NLGN4X: variants seen among roughly 807,000 people sequenced by gnomAD.
NLGN4X encodes neuroligin 4 X-linked.
NLGN4X carries 3 observed loss-of-function variants against 40.3 expected under a neutral mutation model. The observed-to-expected ratio is 0.07, with a 90% CI of 0.03 to 0.19. The LOEUF (loss-of-function observed/expected upper bound fraction) is 0.19, where lower values mean the gene tolerates loss of function less well. Ranked by LOEUF, NLGN4X falls within the 10% of genes least tolerant of loss-of-function variation. The probability of loss-of-function intolerance (pLI) is 1.00; values close to 1 mark genes in which losing one functional copy is unlikely to be tolerated. For synonymous variants in NLGN4X, 270 were observed against 306.8 expected (o/e 0.88, Z 1.25); for missense variants, 382 against 708.3 (o/e 0.54, Z 5.23).
intron 1 of NLGN4X, among the ~76,000 whole-genome samples, chrX:6,218,136 A>G (rs778109565): frequency 3.1e-4 from 35 of 111,249 alleles, no homozygotes; most frequent in Non-Finnish European, 5.8e-4. Context: ...TTCAGCCAAC[A>G]GAGCAAGCCT....
At chrX:5,971,421 T>C (rs933879557) in intron 3 of NLGN4X, among the ~76,000 whole-genome samples, 1 of 111,125 alleles carries the variant, frequency 9.0e-6, no homozygotes, top group Non-Finnish European at 1.9e-5. Flanking sequence ...TTGCAATACT[T>C]TTCCCTTCTT....
intron 3 of NLGN4X, among the ~76,000 whole-genome samples, chrX:5,965,129 C>A (rs974660084): frequency 1.8e-5 from 2 of 111,650 alleles, no homozygotes; most frequent in Non-Finnish European, 3.8e-5. Context: ...AATTGAATGG[C>A]TTATCAAAAG....
At chrX:5,898,134 TTTCC>T (rs1191576827) in intron 5 of NLGN4X, among the ~76,000 whole-genome samples, 13 of 96,238 alleles carry the variant, frequency 1.4e-4, no homozygotes, top group South Asian at 6.0e-4. Context: ...CTCTCTTTCC[TTTCC>T]TTCCTTCCAT....
intron 3 of NLGN4X, among the ~76,000 whole-genome samples, chrX:5,975,949 C>T (rs1167276328): frequency 9.0e-6 from 1 of 111,193 alleles, no homozygotes; most frequent in Non-Finnish European, 1.9e-5. Context: ...CTCTTTTCTT[C>T]TCCTACCTTC....
chrX:6,033,273 T>C (rs754911617), intron 2 of NLGN4X, among the ~76,000 whole-genome samples: 1 of 111,601 alleles, frequency 9.0e-6, no homozygotes, highest in Non-Finnish European at 1.9e-5. Flanking sequence ...CAAAATATTA[T>C]ATAATTGACA....
rs769439110 is a variant in NLGN4X, at chrX:6,156,232, C to T, written c.-305-4461G>A. Among the ~76,000 whole-genome samples, 8 of 110,985 alleles carry T rather than the reference C, an allele frequency of 7.2e-5. No homozygotes were observed. In the South Asian group the frequency reaches 1.9e-3, roughly 26 times the overall value. Reference sequence around the variant, plus strand: ...TATGCAGCCATAAAAACAAATCAGCCGGCGCGGTGGCTCACGCCTGTAATC... The same window carrying T: ...TATGCAGCCATAAAAACAAATCAGCTGGCGCGGTGGCTCACGCCTGTAATC... On this transcript the variant is annotated intron_variant, in intron 1 of 5. Transcript: ENST00000381095.
intron 1 of NLGN4X, among the ~76,000 whole-genome samples, chrX:6,180,176 T>C (rs1921270815): frequency 8.9e-6 from 1 of 111,928 alleles, no homozygotes; most frequent in South Asian, 3.7e-4. Flanking sequence ...AACCTAAATC[T>C]TTCCTATGAA....
At chrX:6,112,256 C>T (rs372243977) in intron 2 of NLGN4X, among the ~76,000 whole-genome samples, 17 of 111,439 alleles carry the variant, frequency 1.5e-4, no homozygotes, top group African/African-American at 5.2e-4. Context: ...CAGCAACACA[C>T]AAGATACCCT....
chrX:5,934,884 A>G (rs1019109909), intron 3 of NLGN4X, among the ~76,000 whole-genome samples: 3 of 112,360 alleles, frequency 2.7e-5, no homozygotes, highest in Non-Finnish European at 5.6e-5. Context: ...GAGGAAATAA[A>G]TGATGGTTTT....
intron 3 of NLGN4X, among the ~76,000 whole-genome samples, chrX:5,975,281 AC>A (rs1195103548): frequency 9.0e-6 from 1 of 111,438 alleles, no homozygotes; most frequent in African/African-American, 3.3e-5. Context: ...ATGTAGACCA[AC>A]CTGGCCAACA....
At chrX:6,147,116 C>G (rs1004326437) in intron 2 of NLGN4X, among the ~76,000 whole-genome samples, 8 of 111,855 alleles carry the variant, frequency 7.2e-5, no homozygotes, top group Admixed American at 9.5e-5. Flanking sequence ...TTTATATTTT[C>G]CTTTATATTT....
intron 3 of NLGN4X, among the ~76,000 whole-genome samples, chrX:5,918,530 T>C (rs952820716): frequency 4.5e-5 from 5 of 112,052 alleles, no homozygotes; most frequent in African/African-American, 1.6e-4. Context: ...AGACAGACAA[T>C]ATTTTCTAGA....
At chrX:6,184,712 G>A (rs181844754) in intron 1 of NLGN4X, among the ~76,000 whole-genome samples, 32 of 111,930 alleles carry the variant, frequency 2.9e-4, no homozygotes, top group Admixed American at 2.6e-3. Context: ...AGAATGCTTC[G>A]TTTACCAAAA....
intron 5 of NLGN4X, among the ~76,000 whole-genome samples, chrX:5,898,346 ACT>A (rs776665347): frequency 1.6e-3 from 130 of 79,430 alleles, no homozygotes; most frequent in African/African-American, 6.0e-3. Flanking sequence ...CTTTGTCTGA[ACT>A]CTCTTTCCTC....
chrX:5,992,850 G>A (rs992298574), intron 3 of NLGN4X, among the ~76,000 whole-genome samples: 7 of 111,157 alleles, frequency 6.3e-5, no homozygotes, highest in African/African-American at 2.3e-4. Context: ...AAGAACTCAG[G>A]CATCACCTGG....
intron 1 of NLGN4X, among the ~76,000 whole-genome samples, chrX:6,206,658 G>T (rs1924060085): frequency 9.0e-6 from 1 of 111,328 alleles, no homozygotes; most frequent in South Asian, 3.8e-4. Context: ...GTAATCCTTG[G>T]CATTCCCTTT....
At chrX:6,028,223 A>C (rs2036760327) in intron 3 of NLGN4X, among the ~76,000 whole-genome samples, 1 of 112,049 alleles carries the variant, frequency 8.9e-6, no homozygotes. Context: ...TACCATTTTA[A>C]TGCATTTTTG....
At position 5,980,935 on chromosome X, in the gene NLGN4X, T is replaced by G. The variant is rs2035368947; in HGVS notation, c.625+48345A>C. ...TTATCTTGTTAATTTATGTATTTTC[T>G]AAAAGTCTACTGTTATTTTATTTGG... On this transcript the variant is annotated intron_variant, in intron 3 of 5. Coordinates refer to ENST00000381095, the MANE Select transcript of NLGN4X (RefSeq NM_181332.3). Among the ~76,000 whole-genome samples the G allele has an allele frequency of 3.6e-5, 4 of 111,977 alleles. No individual in the cohort carries two copies. In the South Asian group the frequency reaches 1.5e-3, roughly 41 times the overall value.
chrX:6,142,303 T>G lies in NLGN4X; in HGVS notation c.472+8692A>C, dbSNP rs138418585. Among the ~76,000 whole-genome samples the G allele has an allele frequency of 6.8e-3, 759 of 112,426 alleles. 2 individuals carry two copies. Among genetic ancestry groups the G allele is most frequent in the African/African-American group, 0.022 (668 of 31,037 alleles). ...ACATATGTAATTTCTAAACCCTCAA[T>G]AAGATTATTACTCAGTATTCAAATT... On this transcript the variant is annotated intron_variant, in intron 2 of 5. Coordinates refer to ENST00000381095, the MANE Select transcript of NLGN4X (RefSeq NM_181332.3).
Sources: allele counts gnomAD v4.1 joint callset (sites outside exome capture counted in the v4.1 genomes callset), GRCh38; gene constraint gnomAD v4.1.1; transcripts MANE v1.5; gene names NCBI Gene and HGNC (gene_info 2026-07-23, HGNC 2026-07-21).